DHRSX: variants seen among roughly 807,000 people sequenced by gnomAD.
DHRSX encodes the protein dehydrogenase/reductase X-linked.
A neutral mutation model predicts 34.0 loss-of-function variants in DHRSX; 31 were observed. The observed-to-expected ratio is 0.91, with a 90% confidence interval of 0.69 to 1.23. The LOEUF is 1.23. Among genes scored for constraint, DHRSX ranks in the 50% most tolerant of loss-of-function variants. DHRSX has a pLI of 0.00. For missense variants in DHRSX, 414 were observed against 428.1 expected, an observed-to-expected ratio of 0.97 and a Z score of 0.29; for synonymous variants, 201 against 183.8, an observed-to-expected ratio of 1.09 and a Z score of -0.76.
chrX:2,433,932 G>A (rs561683256), intron 1 of DHRSX, among the ~76,000 whole-genome samples: 12 of 152,078 alleles, frequency 7.9e-5, no homozygotes, highest in South Asian at 2.1e-4. Context: ...CCGCCACCAC[G>A]CCCGGCTAAT....
chrX:2,345,607 G>A (rs1194994213), intron 3 of DHRSX, among the ~76,000 whole-genome samples: 11 of 148,928 alleles, frequency 7.4e-5, no homozygotes, highest in African/African-American at 2.0e-4. Context: ...AGATCGCACC[G>A]AGATCGCATC....
intron 3 of DHRSX, among the ~76,000 whole-genome samples, chrX:2,379,595 G>GTTTTTTTT (rs749144665): frequency 1.9e-5 from 2 of 103,964 alleles, no homozygotes; most frequent in African/African-American, 3.5e-5. Context: ...GGCAGTGGAG[G>GTTTTTTTT]TTTTTTTTTT....
intron 5 of DHRSX, among the ~76,000 whole-genome samples, chrX:2,262,926 T>C (rs1424694934): frequency 6.6e-6 from 1 of 152,206 alleles, no homozygotes; most frequent in African/African-American, 2.4e-5. Flanking sequence ...CTCCCTTCGT[T>C]ACATCCTGCC....
At chrX:2,357,295 G>A (rs1344500010) in intron 3 of DHRSX, among the ~76,000 whole-genome samples, 5 of 151,962 alleles carry the variant, frequency 3.3e-5, no homozygotes, top group Admixed American at 3.3e-4. Context: ...TGAGGGGTTG[G>A]TGTCCCTAAC....
At chrX:2,346,032 C>G (rs1391978491) in intron 3 of DHRSX, among the ~76,000 whole-genome samples, 1 of 152,134 alleles carries the variant, frequency 6.6e-6, no homozygotes, top group Non-Finnish European at 1.5e-5. Context: ...CCGTGGTATC[C>G]TTGTTCTGTA....
At chrX:2,340,592 C>T (rs111227099) in intron 3 of DHRSX, among the ~76,000 whole-genome samples, 5,469 of 152,134 alleles carry the variant, frequency 0.036, 346 homozygotes, top group African/African-American at 0.13. Context: ...TCTTGACCCA[C>T]ACCTAGGAAA....
intron 3 of DHRSX, among the ~76,000 whole-genome samples, chrX:2,344,046 T>C (rs1337156875): frequency 6.6e-6 from 1 of 152,060 alleles, no homozygotes; most frequent in Non-Finnish European, 1.5e-5. Flanking sequence ...TAAACTGAAA[T>C]AGCATCAATA....
chrX:2,488,936 A>C, intron 1 of DHRSX: 1 of 1,598,862 alleles, frequency 6.3e-7, no homozygotes, highest in Non-Finnish European at 8.5e-7. Context: ...GAAGAGGGCC[A>C]GGCGGTCTGA....
intron 2 of DHRSX, among the ~76,000 whole-genome samples, chrX:2,423,856 A>G (rs1451717771): frequency 1.3e-5 from 2 of 152,174 alleles, no homozygotes; most frequent in Non-Finnish European, 2.9e-5. Context: ...AGAGATCACG[A>G]TAAGCTTTTA....
At chrX:2,474,599 G>A (rs925847796) in intron 1 of DHRSX, among the ~76,000 whole-genome samples, 1 of 151,336 alleles carries the variant, frequency 6.6e-6, no homozygotes, top group Admixed American at 6.6e-5. Flanking sequence ...CCCTAAGCTT[G>A]TGGCTAAGGG....
chrX:2,321,869 C>T (rs1326407668), intron 3 of DHRSX, among the ~76,000 whole-genome samples: 1 of 151,986 alleles, frequency 6.6e-6, no homozygotes, highest in Admixed American at 6.6e-5. Flanking sequence ...AAGGTGAAGA[C>T]GATAAGGATG....
chrX:2,428,960 T>C (rs1003874404), intron 1 of DHRSX, among the ~76,000 whole-genome samples: 1 of 152,300 alleles, frequency 6.6e-6, no homozygotes, highest in Admixed American at 6.5e-5. Context: ...AGCCCGTACA[T>C]TTCGTTGTCA....
At chrX:2,343,268 C>A (rs2042662675) in intron 3 of DHRSX, among the ~76,000 whole-genome samples, 1 of 152,160 alleles carries the variant, frequency 6.6e-6, no homozygotes, top group African/African-American at 2.4e-5. Context: ...CAGCCAGAAG[C>A]CCCTCTCAGG....
At chrX:2,320,243 A>G (rs2042292058) in intron 3 of DHRSX, among the ~76,000 whole-genome samples, 1 of 151,658 alleles carries the variant, frequency 6.6e-6, no homozygotes, top group African/African-American at 2.4e-5. Flanking sequence ...CTGTTGTGGT[A>G]GCGATCATAT....
intron 3 of DHRSX, among the ~76,000 whole-genome samples, chrX:2,353,948 A>T (rs944070803): frequency 6.6e-6 from 1 of 152,100 alleles, no homozygotes; most frequent in African/African-American, 2.4e-5. Flanking sequence ...ACTGAGTACC[A>T]GTGGGATACC....
intron 6 of DHRSX, among the ~76,000 whole-genome samples, chrX:2,227,606 G>A (rs771153663): frequency 1.2e-4 from 15 of 124,136 alleles, no homozygotes; most frequent in African/African-American, 4.4e-4. Context: ...AAAAAAAACA[G>A]GAAGGAAGCA....
chrX:2,359,723 C>G (rs926337823), intron 3 of DHRSX, among the ~76,000 whole-genome samples: 9 of 151,968 alleles, frequency 5.9e-5, no homozygotes, highest in African/African-American at 2.2e-4. Context: ...TACATAGACA[C>G]CATGGAATAC....
chrX:2,304,812 C>T (rs1420172505), intron 3 of DHRSX, among the ~76,000 whole-genome samples: 1 of 151,986 alleles, frequency 6.6e-6, no homozygotes, highest in African/African-American at 2.4e-5. Flanking sequence ...CCTCAAAGAC[C>T]TAGAACCAGA....
At chrX:2,479,888 TC>T (rs1291045672) in intron 1 of DHRSX, among the ~76,000 whole-genome samples, 1 of 152,164 alleles carries the variant, frequency 6.6e-6, no homozygotes, top group Non-Finnish European at 1.5e-5. Context: ...CTGAAGATGT[TC>T]CCTAAGCATG....
Sources: gnomAD v4.1 joint callset for allele counts (sites outside exome capture counted in the v4.1 genomes callset) on GRCh38, gnomAD v4.1.1 for gene constraint, MANE v1.5 for transcripts, NCBI Gene and HGNC (gene_info 2026-07-23, HGNC 2026-07-21) for gene names.